Variants in RGS7 observed in about 807,000 individuals in gnomAD.
The protein encoded by RGS7 is regulator of G protein signaling 7.
A neutral mutation model predicts 81.1 loss-of-function variants in RGS7; 27 were observed. The ratio of observed to expected loss-of-function variants is 0.33; its 90% CI spans 0.25 to 0.46. The LOEUF (loss-of-function observed/expected upper bound fraction) is 0.46, where lower values mean the gene tolerates loss of function less well. Ranked by LOEUF, RGS7 falls within the 20% of genes least tolerant of loss-of-function variation. The probability of loss-of-function intolerance (pLI) is 1.00; values close to 1 mark genes in which losing one functional copy is unlikely to be tolerated. For missense variants in RGS7, 396 were observed against 607.4 expected (o/e 0.65, Z 3.66); for synonymous variants, 208 against 207.7 (o/e 1.00, Z -0.01).
At chr1:241,239,333 C>A (rs1249719832) in intron 2 of RGS7, among the ~76,000 whole-genome samples, 1 of 152,090 alleles carries the variant, frequency 6.6e-6, no homozygotes, top group Non-Finnish European at 1.5e-5. Flanking sequence ...CTCTTTGGTT[C>A]TAATCTAGAT....
chr1:241,099,992 GTTATC>G (rs946833287), intron 2 of RGS7, among the ~76,000 whole-genome samples: 1 of 150,806 alleles, frequency 6.6e-6, no homozygotes, highest in Non-Finnish European at 1.5e-5. Context: ...TGGGAATTCT[GTTATC>G]TTTTCTTTTT....
intron 9 of RGS7, among the ~76,000 whole-genome samples, chr1:240,847,007 T>G (rs1659214267): frequency 6.6e-6 from 1 of 152,200 alleles, no homozygotes. Context: ...TGACTCTCAG[T>G]AGCTGTGTAA....
At chr1:241,193,845 G>C (rs751691239) in intron 2 of RGS7, among the ~76,000 whole-genome samples, 1 of 152,166 alleles carries the variant, frequency 6.6e-6, no homozygotes, top group Non-Finnish European at 1.5e-5. Flanking sequence ...CAGAAACTCA[G>C]ATTTCCTTTG....
chr1:241,249,299 G>T (rs1473276122), intron 2 of RGS7, among the ~76,000 whole-genome samples: 2 of 150,210 alleles, frequency 1.3e-5, no homozygotes, highest in Non-Finnish European at 3.0e-5. Context: ...TTATGGTAAA[G>T]GTCAAGATTT....
intron 6 of RGS7, chr1:240,920,403 A>C: frequency 6.9e-7 from 1 of 1,450,168 alleles, no homozygotes; most frequent in Non-Finnish European, 9.6e-7. Context: ...TAATGATGCC[A>C]GCAATTTTGG....
intron 6 of RGS7, among the ~76,000 whole-genome samples, chr1:240,893,259 G>A (rs1324645961): frequency 1.3e-5 from 2 of 152,122 alleles, no homozygotes; most frequent in African/African-American, 2.4e-5. Flanking sequence ...AACTTTCTAC[G>A]TGACTCAGTT....
At chr1:241,115,006 T>G (rs931803322) in intron 2 of RGS7, among the ~76,000 whole-genome samples, 1 of 152,206 alleles carries the variant, frequency 6.6e-6, no homozygotes, top group East Asian at 1.9e-4. Context: ...ATGCCAAACA[T>G]ACTTTTAAAT....
intron 2 of RGS7, among the ~76,000 whole-genome samples, chr1:241,104,368 T>A (rs1329754369): frequency 6.6e-6 from 1 of 152,232 alleles, no homozygotes; most frequent in African/African-American, 2.4e-5. Context: ...TGTCTTTGAT[T>A]TCCTGTAAAA....
intron 15 of RGS7, among the ~76,000 whole-genome samples, chr1:240,804,233 TG>T (rs1688471721): frequency 6.6e-6 from 1 of 152,168 alleles, no homozygotes; most frequent in Admixed American, 6.5e-5. Context: ...TAGCAAAGCA[TG>T]GGGTGTGGAT....
At position 241,263,972 on chromosome 1, in the gene RGS7, A is replaced by G. The variant is rs575970346; in HGVS notation, c.78+91727T>C. On this transcript the variant is annotated intron_variant, in intron 2 of 18. Transcript: ENST00000440928. ...GCCTCTGTGGTTTTAAATAGAAGGT[A>G]GGGAAATCACTGTCATTTCCAAATT... Among the ~76,000 whole-genome samples, 186 of 152,306 alleles carry G rather than the reference A, an allele frequency of 1.2e-3. 2 individuals carry two copies. The highest frequency in any genetic ancestry group is 3.4e-3 in the Middle Eastern group (1 of 294).
intron 2 of RGS7, among the ~76,000 whole-genome samples, chr1:241,167,045 C>T (rs1376445746): frequency 6.6e-6 from 1 of 152,162 alleles, no homozygotes; most frequent in African/African-American, 2.4e-5. Flanking sequence ...TGCCACTGCT[C>T]CATTGAATAT....
intron 3 of RGS7, among the ~76,000 whole-genome samples, chr1:241,038,639 T>C (rs1157436640): frequency 4.6e-5 from 7 of 152,150 alleles, no homozygotes; most frequent in African/African-American, 1.2e-4. Flanking sequence ...AGTTGACTTC[T>C]TGAACTCTAA....
chr1:240,961,407 C>T (rs1048773052), intron 4 of RGS7, among the ~76,000 whole-genome samples: 1 of 152,084 alleles, frequency 6.6e-6, no homozygotes, highest in Non-Finnish European at 1.5e-5. Context: ...AATGTATCCA[C>T]CTTATATAAA....
At position 240,868,695 on chromosome 1, in the gene RGS7, A is replaced by G. The variant is rs757718014; in HGVS notation, c.528-27T>C. 21 of 1,612,514 alleles carry G rather than the reference A, an allele frequency of 1.3e-5. No individual in the cohort carries two copies. The South Asian group carries it at 2.0e-4, about 15-fold the overall frequency. On this transcript the variant is annotated intron_variant, in intron 8 of 18. Coordinates refer to ENST00000440928, the MANE Select transcript of RGS7 (RefSeq NM_001364886.1). The surrounding 1 kb of genome is among the most constrained non-coding windows in gnomAD (Gnocchi z 5.1). The stretch of plus-strand genomic sequence containing the variant: ...TGTCAACACAGTAACAATAGATAAC[A>G]TTTAGTATTAATTGTAGTGCCTCTC...
Position 241,030,361 on chromosome 1 carries a change from C to CATATAT in RGS7, c.176-47238_176-47233dup, listed in dbSNP as rs370562497. Among the ~76,000 whole-genome samples, 81 of 102,208 alleles carry CATATAT rather than the reference C, an allele frequency of 7.9e-4. 4 individuals are homozygous for CATATAT. Among genetic ancestry groups the CATATAT allele is most frequent in the African/African-American group, 1.3e-3 (32 of 25,246 alleles). 67.1% of individuals were successfully genotyped at this position (102,208 alleles called of 152,430 possible). A position where few individuals can be genotyped will look rare whatever the true frequency, so the allele number is the denominator to read the frequency against. ...GCTTTGTTTTTTCCAGAACTTATAG[C>CATATAT]ATATATATATATACATACACACATA... On this transcript the variant is annotated intron_variant, in intron 3 of 18. Transcript: ENST00000440928.
intron 3 of RGS7, among the ~76,000 whole-genome samples, chr1:241,027,592 G>A (rs1457969769): frequency 6.6e-6 from 1 of 150,886 alleles, no homozygotes; most frequent in African/African-American, 2.5e-5. Context: ...AAAGGGAGAT[G>A]AGAATGAGCC....
intron 3 of RGS7, among the ~76,000 whole-genome samples, chr1:241,016,849 A>C (rs2459938): frequency 0.97 from 147,708 of 152,244 alleles, 71,820 homozygotes; most frequent in East Asian, 1. Flanking sequence ...ATATTCAGAT[A>C]AAAATCTATC....
rs900657441 is a variant in RGS7, at chr1:241,044,601, T to C, written c.175+54065A>G. Among the ~76,000 whole-genome samples the C allele has an allele frequency of 6.4e-5, 9 of 140,168 alleles. No individual in the cohort carries two copies. The South Asian group carries it at 1.9e-3, about 30-fold the overall frequency. 92.0% of individuals were successfully genotyped at this position (140,168 alleles called of 152,430 possible). A position where few individuals can be genotyped will look rare whatever the true frequency, so the allele number is the denominator to read the frequency against. On this transcript the variant is annotated intron_variant, in intron 3 of 18. Transcript: ENST00000440928. ...CATGCTCAGCTAATTTTAAAATTTA[T>C]TTATTTTTTTTGTAGAGATAGAGTC...
At chr1:241,345,710 G>A (rs1322286213) in intron 2 of RGS7, among the ~76,000 whole-genome samples, 1 of 152,074 alleles carries the variant, frequency 6.6e-6, no homozygotes, top group Non-Finnish European at 1.5e-5. Flanking sequence ...CCAAATCAAA[G>A]AAGCAACAAA....
Sources: gnomAD v4.1 joint callset for allele counts (sites outside exome capture counted in the v4.1 genomes callset) on GRCh38, gnomAD v4.1.1 for gene constraint, Gnocchi (gnomAD v3.1) non-coding constraint, MANE v1.5 for transcripts, NCBI Gene and HGNC (gene_info 2026-07-23, HGNC 2026-07-21) for gene names.